Variants in ZSCAN32 observed in about 807,000 individuals in gnomAD.
ZSCAN32 encodes zinc finger and SCAN domain containing 32, also known as zinc finger and SCAN domain-containing protein 32.
A neutral mutation model predicts 47.4 loss-of-function variants in ZSCAN32; 52 were observed. The ratio of observed to expected loss-of-function variants is 1.10; its 90% confidence interval spans 0.88 to 1.38. ZSCAN32 has a LOEUF of 1.38. Among genes scored for constraint, ZSCAN32 ranks in the 40% most tolerant of loss-of-function variants. The pLI is 0.00. For missense variants in ZSCAN32, 959 were observed against 846.0 expected, an observed-to-expected ratio of 1.13 and a Z score of -1.66; for synonymous variants, 346 against 305.7, an observed-to-expected ratio of 1.13 and a Z score of -1.38.
In ZSCAN32 at chr16:3,383,378, C is replaced by T; in HGVS notation, c.1568G>A (p.Cys523Tyr). The change falls in exon 7 of 7, where the codon TGT (cysteine) becomes TAT (tyrosine). Residue 523 changes from cysteine to tyrosine, a missense_variant. Cys to Tyr is a radical substitution (Grantham distance 194). Transcript: ENST00000396852. Reference sequence around the variant, plus strand: ...GCTAAAGGTTTTCCCACATTCAGGACATTGAGATACTTTTTCCAGTTTGAG... The same window carrying T: ...GCTAAAGGTTTTCCCACATTCAGGATATTGAGATACTTTTTCCAGTTTGAG... ...PALKLEKVSQ[C>Y]PECGKTFSRS... 6.2e-7 allele frequency: 1 copy of T among 1,614,176 alleles called. No homozygotes were observed. Among genetic ancestry groups the T allele is most frequent in the Non-Finnish European group, 8.5e-7 (1 of 1,180,030 alleles).
In ZSCAN32 at chr16:3,397,189, C is replaced by A; in HGVS notation, c.366+3G>T. ...CCACAAAGTTCCGACTTCCTTTTCT[C>A]ACCTGTTGTCCAGGAGCTCTCTGTA... is the stretch of plus-strand genomic sequence containing the variant. On this transcript the variant is annotated splice_donor_region_variant and intron_variant, in intron 2 of 6. Coordinates refer to ENST00000396852, the MANE Select transcript of ZSCAN32 (RefSeq NM_001284527.2). 6.6e-7 allele frequency: 1 copy of A among 1,506,456 alleles called. No individual in the cohort carries two copies. The highest frequency in any genetic ancestry group is 1.3e-5 in the South Asian group (1 of 77,344). The allele number at this position is 1,506,456 out of a possible 1,614,324, so 93.3% of individuals were successfully genotyped here.
rs2032480703 is a variant in ZSCAN32 at position 3,390,007 on chromosome 16, T to G, written c.751+3A>C. ...TTGACCTGGAGGGAAGATGGATCCTTACCCAGCGAGACGTGACTGTCCTTC... is the reference window on the plus strand; with the variant it reads ...TTGACCTGGAGGGAAGATGGATCCTGACCCAGCGAGACGTGACTGTCCTTC... On this transcript the variant is annotated splice_donor_region_variant and intron_variant, in intron 5 of 6. Transcript: ENST00000396852. 3 of 1,608,592 alleles carry G rather than the reference T, an allele frequency of 1.9e-6. No homozygotes were observed. The African/African-American group carries it at 4.0e-5, about 22-fold the overall frequency.
intron 5 of ZSCAN32, 80 bp from the exon 6 acceptor site, chr16:3,385,021 C>A: frequency 6.6e-7 from 1 of 1,505,774 alleles, no homozygotes; most frequent in Admixed American, 2.1e-5. Context: ...GCAGTTTTGG[C>A]AGCTTAAAAA....
intron 5 of ZSCAN32, among the ~76,000 whole-genome samples, chr16:3,385,953 T>C (rs2031925400): frequency 6.6e-6 from 1 of 152,136 alleles, no homozygotes; most frequent in South Asian, 2.1e-4. Flanking sequence ...TGGGATCTAA[T>C]TAAACCAAAG....
Position 3,389,119 on chromosome 16 carries a change from ACT to A in ZSCAN32, c.751+889_751+890del, listed in dbSNP as rs1222272314. Among the ~76,000 whole-genome samples, 10 of 152,268 alleles carry A rather than the reference ACT, an allele frequency of 6.6e-5. No individual in the cohort carries two copies. In the East Asian group the frequency reaches 1.9e-3, roughly 29 times the overall value. On this transcript the variant is annotated intron_variant, in intron 5 of 6. Transcript: ENST00000396852. ...AATACAGAGCTCAAAAAGACACTAT[ACT>A]CTCCTGCAACTGGACAGAGATGAGG...
chr16:3,385,574 TG>T (rs1464767447), intron 5 of ZSCAN32, among the ~76,000 whole-genome samples: 1 of 152,188 alleles, frequency 6.6e-6, no homozygotes, highest in Non-Finnish European at 1.5e-5. Flanking sequence ...CAAAACAGCA[TG>T]GTACTGGTAC....
In ZSCAN32 at chr16:3,400,947, G is replaced by C. The variant is rs368255882; in HGVS notation, c.-190C>G. The C allele has an allele frequency of 6.6e-6, 1 of 152,592 alleles. No homozygotes were observed. The highest frequency in any genetic ancestry group is 1.9e-4 in the East Asian group (1 of 5,194). The allele number at this position is 152,592 out of a possible 1,614,324, so 9.5% of individuals were successfully genotyped here. On this transcript the variant is annotated splice_region_variant and 5_prime_UTR_variant, in exon 1 of 7. Transcript: ENST00000396852. ...CCGCAAGGAAGCGGAGAACTCACCG[G>C]ACACCAGCACTCGCGACTCCACAAA...
intron 3 of ZSCAN32, among the ~76,000 whole-genome samples, chr16:3,392,429 G>T: frequency 6.7e-6 from 1 of 148,238 alleles, no homozygotes; most frequent in African/African-American, 2.5e-5. Context: ...GCCCAGGTTG[G>T]TCTCGACTCC....
chr16:3,394,265 C>G (rs1239323728), intron 2 of ZSCAN32, among the ~76,000 whole-genome samples: 1 of 151,336 alleles, frequency 6.6e-6, no homozygotes, highest in African/African-American at 2.4e-5. Flanking sequence ...GACTCTGTCT[C>G]AAAAACAAAA....
chr16:3,395,560 A>G (rs2033292601), intron 2 of ZSCAN32, among the ~76,000 whole-genome samples: 1 of 152,210 alleles, frequency 6.6e-6, no homozygotes, highest in Admixed American at 6.5e-5. Flanking sequence ...CTCCACAGCC[A>G]TGCAGAACTG....
At chr16:3,391,923 CCT>C (rs1363782515) in intron 3 of ZSCAN32, among the ~76,000 whole-genome samples, 1 of 152,004 alleles carries the variant, frequency 6.6e-6, no homozygotes, top group African/African-American at 2.4e-5. Context: ...AGAGCAAGAC[CCT>C]GTCTCTTAAA....
intron 3 of ZSCAN32, among the ~76,000 whole-genome samples, chr16:3,393,182 TTCTATATTTATA>T (rs2032930798): frequency 1.5e-5 from 1 of 68,754 alleles, no homozygotes; most frequent in African/African-American, 8.4e-5. Flanking sequence ...ATATATATAT[TTCTATATTTATA>T]TATATATTTA....
chr16:3,398,347 G>A (rs1057365417), intron 1 of ZSCAN32, among the ~76,000 whole-genome samples: 2 of 151,858 alleles, frequency 1.3e-5, no homozygotes, highest in South Asian at 2.1e-4. Context: ...CACAAAAACC[G>A]TTTTCCACAG....
At position 3,398,940 on chromosome 16, in the gene ZSCAN32, C is replaced by T. The variant is rs372470376; in HGVS notation, c.-187-1196G>A. ...TCTTCCTTTGTGAAAAAGTCCCCCT[C>T]GACCAGGCGTGGTGGCTCACGCTTG... On this transcript the variant is annotated intron_variant, in intron 1 of 6. Coordinates refer to ENST00000396852, the MANE Select transcript of ZSCAN32 (RefSeq NM_001284527.2). Among the ~76,000 whole-genome samples, 25 of 152,294 alleles carry T rather than the reference C, an allele frequency of 1.6e-4. No individual in the cohort carries two copies. In the East Asian group the frequency reaches 2.5e-3, roughly 15 times the overall value.
chr16:3,384,934 A>G lies in ZSCAN32; in HGVS notation c.759T>C (p.Gly253=), dbSNP rs13331981. 9,269 of 1,611,202 alleles carry G rather than the reference A, an allele frequency of 5.8e-3. 401 individuals carry two copies. In the African/African-American group the frequency reaches 0.1, roughly 18 times the overall value. The change falls in exon 6 of 7, where the codon GGT becomes GGC. Residue 253 remains glycine (G), a synonymous_variant. Transcript: ENST00000396852. ...RKDSHVSLAT[G]VPWGYEETKT... ...TGGTCTCTTCATAGCCCCAGGGCAC[A>G]CCTGTTGCTGGGGGACAAAGAATAG... is the stretch of plus-strand genomic sequence containing the variant.
chr16:3,390,422 C>A lies in ZSCAN32; in HGVS notation c.627+1G>T. 6.5e-7 allele frequency: 1 copy of A among 1,549,196 alleles called. No homozygotes were observed. On this transcript the variant is annotated splice_donor_variant, in intron 4 of 6. Transcript: ENST00000396852. LOFTEE classifies it high-confidence loss of function. ...GACAGAAGGCATCAACCACAGCTCA[C>A]CTGGGACCCAGCTGTCCAGACCACA...
intron 6 of ZSCAN32, chr16:3,384,015 C>T (rs2031612566): frequency 4.6e-6 from 2 of 434,892 alleles, no homozygotes; most frequent in Non-Finnish European, 8.1e-6. Context: ...TATAGGTGTA[C>T]CCTCAATTCT....
rs189076384 is a variant in ZSCAN32, at chr16:3,390,733, C to G, written c.533-216G>C. On this transcript the variant is annotated intron_variant, in intron 3 of 6. Transcript: ENST00000396852. ...ATCACTCTCCCACCTCCGAATGAGT[C>G]TGAGGCAAACTCAAGTTTGAGAACC... Among the ~76,000 whole-genome samples the G allele has an allele frequency of 2.6e-5, 4 of 152,344 alleles. No individual in the cohort carries two copies. In the East Asian group the frequency reaches 7.7e-4, roughly 29 times the overall value.
Position 3,390,409 on chromosome 16 carries a change from C to T in ZSCAN32, c.627+14G>A. The T allele has an allele frequency of 6.5e-7, 1 of 1,544,340 alleles. No homozygotes were observed. The highest frequency in any genetic ancestry group is 1.2e-5 in the South Asian group (1 of 83,508). On this transcript the variant is annotated intron_variant, in intron 4 of 6. Coordinates refer to ENST00000396852, the MANE Select transcript of ZSCAN32 (RefSeq NM_001284527.2). The stretch of plus-strand genomic sequence containing the variant: ...TGGGTACTCAAGAGACAGAAGGCAT[C>T]AACCACAGCTCACCTGGGACCCAGC...
Sources: allele counts gnomAD v4.1 joint callset (sites outside exome capture counted in the v4.1 genomes callset), GRCh38; gene constraint gnomAD v4.1.1; transcripts MANE v1.5; gene names NCBI Gene and HGNC (gene_info 2026-07-23, HGNC 2026-07-21).